CALCR: variants seen among roughly 807,000 people sequenced by gnomAD.
CALCR encodes the protein calcitonin receptor.
In CALCR, 47 loss-of-function variants were observed where a neutral mutation model predicts 59.5. The ratio of observed to expected loss-of-function variants is 0.79; its 90% CI spans 0.63 to 1.01. The LOEUF (loss-of-function observed/expected upper bound fraction) is 1.01. Ranked by LOEUF, CALCR falls within the 50% of genes least tolerant of loss-of-function variation. The probability of loss-of-function intolerance (pLI) is 0.00; values close to 1 mark genes in which losing one functional copy is unlikely to be tolerated. For missense variants in CALCR, 566 were observed against 597.1 expected (o/e 0.95, Z 0.54); for synonymous variants, 213 against 211.3 (o/e 1.01, Z -0.07).
At chr7:93,516,439 T>G (rs371681809) in intron 2 of CALCR, among the ~76,000 whole-genome samples, 1 of 151,908 alleles carries the variant, frequency 6.6e-6, no homozygotes, top group Non-Finnish European at 1.5e-5. Context: ...GGGGCTAGTA[T>G]CATTACACCA....
intron 12 of CALCR, among the ~76,000 whole-genome samples, chr7:93,435,644 A>G (rs1799756124): frequency 6.6e-6 from 1 of 151,888 alleles, no homozygotes; most frequent in South Asian, 2.1e-4. Flanking sequence ...CCCGTCTACT[A>G]AAAATACAAA....
At chr7:93,457,893 G>A (rs1584550675) in intron 8 of CALCR, among the ~76,000 whole-genome samples, 1 of 152,048 alleles carries the variant, frequency 6.6e-6, no homozygotes, top group African/African-American at 2.4e-5. Context: ...AAAGAAGAGA[G>A]GTTGGCTGCT....
chr7:93,435,728 C>A (rs748187535), intron 12 of CALCR, among the ~76,000 whole-genome samples: 12 of 151,592 alleles, frequency 7.9e-5, no homozygotes, highest in Non-Finnish European at 1.5e-4. Flanking sequence ...ATTGCTTGAG[C>A]CCGGGAGATG....
Position 93,443,739 on chromosome 7 carries a change from G to C in CALCR, c.667C>G (p.His223Asp). The C allele has an allele frequency of 1.2e-6, 2 of 1,612,876 alleles. No homozygotes were observed. Among genetic ancestry groups the C allele is most frequent in the Non-Finnish European group, 1.7e-6 (2 of 1,179,244 alleles). Residue 223 changes from histidine to aspartate, a missense_variant, in exon 9 of 14, where the codon CAT becomes GAT. Physicochemically the swap from His to Asp is moderately conservative, Grantham distance 81 (BLOSUM62 -1). Coordinates refer to ENST00000426151, the MANE Select transcript of CALCR (RefSeq NM_001742.4). ...RRDPVSCKILHFFHQYMMACN... is the reference protein window; with the variant it reads ...RRDPVSCKILDFFHQYMMACN... ...GCCATCATGTACTGGTGGAAAAAAT[G>C]CAAAATCTTGCAGCTCACCTGTCAG... is the stretch of plus-strand genomic sequence containing the variant.
In CALCR at chr7:93,490,514, C is replaced by T. The variant is rs190277222; in HGVS notation, c.-26-3507G>A. 2.6e-3 allele frequency among the ~76,000 whole-genome samples: 391 copies of T among 151,996 alleles called. 3 individuals carry two copies. The highest frequency in any genetic ancestry group is 8.4e-3 in the African/African-American group (349 of 41,504). Reference sequence around the variant, plus strand: ...TTTTATATTTAGAATACCCCATCATCTCAGCCCCAAAACTCCTTAAGCTGA... The same window carrying T: ...TTTTATATTTAGAATACCCCATCATTTCAGCCCCAAAACTCCTTAAGCTGA... On this transcript the variant is annotated intron_variant, in intron 2 of 13. Transcript: ENST00000426151.
chr7:93,457,050 G>T (rs145167154), intron 8 of CALCR, among the ~76,000 whole-genome samples: 1,800 of 152,242 alleles, frequency 0.012, 45 homozygotes, highest in South Asian at 0.068. Flanking sequence ...CAGCCTATGT[G>T]CTGTGTCTGG....
intron 2 of CALCR, among the ~76,000 whole-genome samples, chr7:93,506,821 AC>A (rs1364604988): frequency 3.3e-5 from 5 of 152,170 alleles, no homozygotes; most frequent in Non-Finnish European, 7.3e-5. Flanking sequence ...TGTAGTTCCC[AC>A]AATCCTCACC....
chr7:93,549,639 CTT>C (rs1253199644), intron 2 of CALCR, among the ~76,000 whole-genome samples: 4 of 152,158 alleles, frequency 2.6e-5, no homozygotes, highest in African/African-American at 9.7e-5. Flanking sequence ...AAAATTGAGA[CTT>C]TGATTTTAAA....
chr7:93,538,272 G>A (rs559639678), intron 2 of CALCR, among the ~76,000 whole-genome samples: 3 of 151,968 alleles, frequency 2.0e-5, no homozygotes, highest in East Asian at 1.9e-4. Context: ...ATATCTTTTC[G>A]TGTGTCTGAC....
intron 2 of CALCR, among the ~76,000 whole-genome samples, chr7:93,555,397 A>G (rs1295674605): frequency 1.3e-5 from 2 of 152,116 alleles, no homozygotes; most frequent in Non-Finnish European, 2.9e-5. Flanking sequence ...CAAACTAGCT[A>G]TGGGGAAGAA....
intron 2 of CALCR, among the ~76,000 whole-genome samples, chr7:93,557,135 CA>C (rs1225400104): frequency 1.3e-5 from 2 of 151,956 alleles, no homozygotes; most frequent in Non-Finnish European, 2.9e-5. Flanking sequence ...GAGTCAGAGA[CA>C]TCTGAATTTG....
At chr7:93,427,683 A>G (rs1006737095) in intron 13 of CALCR, among the ~76,000 whole-genome samples, 22 of 152,202 alleles carry the variant, frequency 1.4e-4, no homozygotes, top group African/African-American at 5.1e-4. Context: ...AAATGACAGC[A>G]AAACTGATTA....
intron 8 of CALCR, among the ~76,000 whole-genome samples, chr7:93,454,828 C>T (rs1363816732): frequency 6.6e-6 from 1 of 151,270 alleles, no homozygotes; most frequent in East Asian, 2.0e-4. Flanking sequence ...TATAACTTTC[C>T]AAAAACTACC....
chr7:93,500,836 A>G (rs574845406), intron 2 of CALCR, among the ~76,000 whole-genome samples: 41 of 152,114 alleles, frequency 2.7e-4, no homozygotes, highest in Non-Finnish European at 5.7e-4. Flanking sequence ...ACCTTATAAA[A>G]GACAAGCTTG....
rs746870798 is a variant in CALCR at position 93,460,990 on chromosome 7, G to A, written c.522-43C>T. The A allele has an allele frequency of 2.6e-6, 4 of 1,522,400 alleles. No homozygotes were observed. The South Asian group carries it at 3.9e-5, about 15-fold the overall frequency. 94.3% of individuals were successfully genotyped at this position (1,522,400 alleles called of 1,614,324 possible). A position where few individuals can be genotyped will look rare whatever the true frequency, so the allele number is the denominator to read the frequency against. The stretch of plus-strand genomic sequence containing the variant: ...ATAAAGCATTAACCAGTGCCAAAAT[G>A]TTGGAGTACCTGGAAAAAAACATTT... On this transcript the variant is annotated intron_variant, in intron 7 of 13. Coordinates refer to ENST00000426151, the MANE Select transcript of CALCR (RefSeq NM_001742.4).
intron 2 of CALCR, among the ~76,000 whole-genome samples, chr7:93,505,828 G>A (rs542689835): frequency 1.3e-5 from 2 of 152,262 alleles, no homozygotes; most frequent in South Asian, 2.1e-4. Flanking sequence ...TGTTCAAAAT[G>A]GCGGCTCCAC....
At chr7:93,474,946 A>G (rs1414537754) in intron 5 of CALCR, among the ~76,000 whole-genome samples, 1 of 151,778 alleles carries the variant, frequency 6.6e-6, no homozygotes, top group Non-Finnish European at 1.5e-5. Context: ...CTATTGTTTA[A>G]AAGGCTAAGG....
chr7:93,566,361 TTA>T (rs1789863947), intron 2 of CALCR, among the ~76,000 whole-genome samples: 2 of 152,146 alleles, frequency 1.3e-5, no homozygotes, highest in African/African-American at 2.4e-5. Context: ...TGGAATTTGG[TTA>T]TAGGTATAGT....
chr7:93,488,477 T>C (rs7789962), intron 2 of CALCR, among the ~76,000 whole-genome samples: 12,728 of 148,986 alleles, frequency 0.085, 1,050 homozygotes, highest in East Asian at 0.29. Context: ...GAATAAAAAG[T>C]CAGGACCCAT....
Sources: allele counts gnomAD v4.1 joint callset (sites outside exome capture counted in the v4.1 genomes callset), GRCh38; gene constraint gnomAD v4.1.1; transcripts MANE v1.5; gene names NCBI Gene and HGNC (gene_info 2026-07-23, HGNC 2026-07-21).